Variants in HDLBP observed in about 807,000 individuals in gnomAD.
HDLBP encodes the protein vigilin.
HDLBP carries 30 observed loss-of-function variants against 137.3 expected under a neutral mutation model. The ratio of observed to expected loss-of-function variants is 0.22; its 90% CI spans 0.16 to 0.30. The LOEUF is 0.30. Among genes scored for constraint, HDLBP ranks in the 10% least tolerant of loss-of-function variants. HDLBP has a pLI of 1.00. For synonymous variants in HDLBP, 606 were observed against 596.0 expected, an observed-to-expected ratio of 1.02 and a Z score of -0.24; for missense variants, 1,119 against 1,667.3, an observed-to-expected ratio of 0.67 and a Z score of 5.73.
intron 1 of HDLBP, among the ~76,000 whole-genome samples, chr2:241,293,845 C>T (rs2075086373): frequency 6.6e-6 from 1 of 150,772 alleles, no homozygotes; most frequent in Non-Finnish European, 1.5e-5. Context: ...TCGCCTGAGC[C>T]CAGGAGGTTG....
intron 17 of HDLBP, among the ~76,000 whole-genome samples, chr2:241,242,172 T>C (rs1387980108): frequency 6.6e-5 from 10 of 152,200 alleles, no homozygotes; most frequent in Admixed American, 1.3e-4. Flanking sequence ...AAAACTCAAC[T>C]ATACCTGAAG....
intron 3 of HDLBP, among the ~76,000 whole-genome samples, chr2:241,265,332 C>T (rs1032264144): frequency 4.6e-5 from 7 of 152,144 alleles, no homozygotes; most frequent in Admixed American, 1.3e-4. Context: ...GCAGAACAAT[C>T]GCTTGAACCC....
intron 5 of HDLBP, among the ~76,000 whole-genome samples, chr2:241,262,069 T>C (rs2073243206): frequency 6.6e-6 from 1 of 152,262 alleles, no homozygotes; most frequent in South Asian, 2.1e-4. Context: ...CATCAGAGAT[T>C]TGCTTATTAC....
At chr2:241,300,237 C>T (rs928064376) in intron 1 of HDLBP, among the ~76,000 whole-genome samples, 6 of 152,070 alleles carry the variant, frequency 3.9e-5, no homozygotes, top group South Asian at 4.2e-4. Flanking sequence ...TAGTAGAAGG[C>T]GGGCGCCCCC....
chr2:241,238,653 GTT>G lies in HDLBP; in HGVS notation c.2743_2744del (p.Asn915ArgfsTer23). ...CAGGGCTAATGGGGGACCCACCTGC[GTT>G]CTCCTCTCTGTCTGGGAATTTAATT... ...VQIKFPDREE[N>X]AVHSTEPVVQ... On this transcript the variant is annotated frameshift_variant, in exon 20 of 28. Coordinates refer to ENST00000310931, the MANE Select transcript of HDLBP (RefSeq NM_005336.6). LOFTEE classifies it high-confidence loss of function. This position sits in a 1 kb window ranked among gnomAD's most constrained non-coding sequence, Gnocchi z 4.9. The G allele has an allele frequency of 6.4e-7, 1 of 1,566,070 alleles. No individual in the cohort carries two copies. The highest frequency in any genetic ancestry group is 8.7e-7 in the Non-Finnish European group (1 of 1,148,678).
chr2:241,243,027 T>C (rs1384635034), intron 16 of HDLBP, among the ~76,000 whole-genome samples: 2 of 152,222 alleles, frequency 1.3e-5, no homozygotes, highest in African/African-American at 4.8e-5. Context: ...GCTCCGGCTC[T>C]GCCAGAGGTG....
At chr2:241,261,039 CA>C (rs11382181) in intron 5 of HDLBP, among the ~76,000 whole-genome samples, 1 of 149,796 alleles carries the variant, frequency 6.7e-6, no homozygotes. Context: ...AAAAAACAAA[CA>C]AAAAAAAAGC....
chr2:241,313,016 T>C (rs2075798948), intron 1 of HDLBP, among the ~76,000 whole-genome samples: 1 of 152,184 alleles, frequency 6.6e-6, no homozygotes, highest in Admixed American at 6.5e-5. Flanking sequence ...CCACCAACTA[T>C]AAATGTCAGC....
chr2:241,277,346 A>T (rs1311607130), intron 1 of HDLBP, among the ~76,000 whole-genome samples: 1 of 152,224 alleles, frequency 6.6e-6, no homozygotes, highest in African/African-American at 2.4e-5. Context: ...ATAAGATATT[A>T]ATGAACTAAA....
chr2:241,250,058 G>A lies in HDLBP; in HGVS notation c.1373-78C>T, dbSNP rs76741115. The A allele has an allele frequency of 0.023, 31,919 of 1,365,846 alleles. 3,267 individuals are homozygous for A. In the Admixed American group the frequency reaches 0.29, roughly 12 times the overall value. 84.6% of individuals were successfully genotyped at this position (1,365,846 alleles called of 1,614,324 possible). On this transcript the variant is annotated intron_variant, in intron 11 of 27. Coordinates refer to ENST00000310931, the MANE Select transcript of HDLBP (RefSeq NM_005336.6). The stretch of plus-strand genomic sequence containing the variant: ...CAATGACATAACTGGGCAGGACAGC[G>A]CTAAAGCGCTAAATAACCTTATCTG...
intron 1 of HDLBP, among the ~76,000 whole-genome samples, chr2:241,305,759 TG>T (rs1297577634): frequency 1.4e-5 from 2 of 147,572 alleles, no homozygotes; most frequent in Non-Finnish European, 3.0e-5. Flanking sequence ...GTTGTTTATT[TG>T]TTTTTTTTTT....
intron 1 of HDLBP, chr2:241,269,319 G>GT (rs1403799931): frequency 6.6e-6 from 1 of 152,248 alleles, no homozygotes; most frequent in Non-Finnish European, 1.5e-5. Context: ...AGCAATGACA[G>GT]TAACAGGAAC....
chr2:241,278,162 T>C lies in HDLBP; in HGVS notation c.-102-9621A>G, dbSNP rs187260478. ...ACAATCTTGCAAACTGACCCAGAAA[T>C]AGAAAAACAAATATTATCACGATGA... On this transcript the variant is annotated intron_variant, in intron 1 of 27. Coordinates refer to ENST00000310931, the MANE Select transcript of HDLBP (RefSeq NM_005336.6). Among the ~76,000 whole-genome samples the C allele has an allele frequency of 1.2e-4, 19 of 152,098 alleles. No individual in the cohort carries two copies. The East Asian group carries it at 3.3e-3, about 26-fold the overall frequency.
chr2:241,234,444 G>A (rs2070159533), intron 23 of HDLBP, among the ~76,000 whole-genome samples: 1 of 152,186 alleles, frequency 6.6e-6, no homozygotes, highest in Non-Finnish European at 1.5e-5. Flanking sequence ...CAGAGTCCAC[G>A]CAGGGGTACA....
chr2:241,260,965 T>C (rs2073113350), intron 5 of HDLBP, among the ~76,000 whole-genome samples: 1 of 151,554 alleles, frequency 6.6e-6, no homozygotes, highest in African/African-American at 2.4e-5. Context: ...CTGAAATGAG[T>C]GGATCATTTG....
intron 11 of HDLBP, among the ~76,000 whole-genome samples, chr2:241,251,775 C>G (rs1365310455): frequency 6.6e-6 from 1 of 151,950 alleles, no homozygotes; most frequent in Non-Finnish European, 1.5e-5. Context: ...AGCAGTTTGA[C>G]ACCAGCCTAG....
chr2:241,264,003 A>G, intron 4 of HDLBP, among the ~76,000 whole-genome samples: 1 of 151,614 alleles, frequency 6.6e-6, no homozygotes, highest in South Asian at 2.1e-4. Flanking sequence ...GCACATTCAG[A>G]AACTCTTCCA....
rs1254416328 is a variant in HDLBP, at chr2:241,233,526, C to T, written c.3288+294G>A. 6.6e-6 allele frequency among the ~76,000 whole-genome samples: 1 copy of T among 152,122 alleles called. No homozygotes were observed. Among genetic ancestry groups the T allele is most frequent in the African/African-American group, 2.4e-5 (1 of 41,410 alleles). ...GCCCGGGTGACAGGTGAATGAGCTA[C>T]ACCTGGAGGCGCCACTGATCAAGGA... On this transcript the variant is annotated intron_variant, in intron 24 of 27. Coordinates refer to ENST00000310931, the MANE Select transcript of HDLBP (RefSeq NM_005336.6). The surrounding 1 kb of genome is among the most constrained non-coding windows in gnomAD (Gnocchi z 4.3).
At chr2:241,273,532 A>G (rs1034699533) in intron 1 of HDLBP, 2 of 920,636 alleles carry the variant, frequency 2.2e-6, no homozygotes, top group African/African-American at 3.6e-5. Flanking sequence ...AGGACTTGTC[A>G]CTTCTGCATC....
Sources: gnomAD v4.1 joint callset for allele counts (sites outside exome capture counted in the v4.1 genomes callset) on GRCh38, gnomAD v4.1.1 for gene constraint, Gnocchi (gnomAD v3.1) non-coding constraint, MANE v1.5 for transcripts, NCBI Gene and HGNC (gene_info 2026-07-23, HGNC 2026-07-21) for gene names.